The following CHST9 variants were observed in gnomAD, a reference collection of about 807,000 sequenced individuals.
The protein encoded by CHST9 is carbohydrate sulfotransferase 9.
Under a neutral mutation model 44.4 loss-of-function variants are expected in CHST9, and 41 were observed. That is an observed-to-expected ratio of 0.92 (90% CI 0.72 to 1.20). The LOEUF is 1.20. CHST9 is among the 50% of genes most tolerant of loss of function. The probability of loss-of-function intolerance (pLI) is 0.00; values close to 1 mark genes in which losing one functional copy is unlikely to be tolerated. For synonymous variants in CHST9, 171 were observed against 178.4 expected (o/e 0.96, Z 0.33); for missense variants, 504 against 516.5 (o/e 0.98, Z 0.23).
chr18:27,103,583 A>C (rs1352899060), intron 2 of CHST9, among the ~76,000 whole-genome samples: 1 of 152,208 alleles, frequency 6.6e-6, no homozygotes, highest in Non-Finnish European at 1.5e-5. Flanking sequence ...TATGCGATCA[A>C]ATGAGGGGCT....
chr18:27,058,356 TA>T (rs2057682110), intron 2 of CHST9, among the ~76,000 whole-genome samples: 1 of 152,200 alleles, frequency 6.6e-6, no homozygotes, highest in Non-Finnish European at 1.5e-5. Flanking sequence ...AATCTTTTCA[TA>T]ATGTTTATTC....
rs571008458 is a variant in CHST9, at chr18:27,016,142, CTTA to C, written c.202+7971_202+7973del. On this transcript the variant is annotated intron_variant, in intron 4 of 5. Transcript: ENST00000618847. The stretch of plus-strand genomic sequence containing the variant: ...CTCTAAACAAAAGCATTAATTTTGG[CTTA>C]TTATGGCTATATACACCTCATGCTT... Among the ~76,000 whole-genome samples, 30 of 152,294 alleles carry C rather than the reference CTTA, an allele frequency of 2.0e-4. No homozygotes were observed. In the South Asian group the frequency reaches 4.8e-3, roughly 24 times the overall value.
At chr18:27,067,081 G>C (rs928619296) in intron 2 of CHST9, among the ~76,000 whole-genome samples, 1 of 152,032 alleles carries the variant, frequency 6.6e-6, no homozygotes, top group Admixed American at 6.6e-5. Flanking sequence ...TTTCTTGAAA[G>C]TAAAATGGTA....
intron 4 of CHST9, among the ~76,000 whole-genome samples, chr18:26,957,796 T>G (rs2056345861): frequency 6.6e-6 from 1 of 152,192 alleles, no homozygotes; most frequent in Non-Finnish European, 1.5e-5. Flanking sequence ...CTCACACCTG[T>G]GCAAAAGAAA....
chr18:27,023,316 A>T (rs1021952595), intron 4 of CHST9, among the ~76,000 whole-genome samples: 1 of 152,202 alleles, frequency 6.6e-6, no homozygotes, highest in Non-Finnish European at 1.5e-5. Context: ...ATCATCTTCT[A>T]TTACTAAATG....
intron 2 of CHST9, among the ~76,000 whole-genome samples, chr18:27,123,555 A>G (rs1431678941): frequency 6.6e-6 from 1 of 152,250 alleles, no homozygotes; most frequent in Non-Finnish European, 1.5e-5. Context: ...AGCAGAAAAA[A>G]AAGAGAAGTC....
At chr18:27,030,491 G>T (rs570720314) in intron 3 of CHST9, among the ~76,000 whole-genome samples, 41 of 152,286 alleles carry the variant, frequency 2.7e-4, no homozygotes, top group African/African-American at 8.9e-4. Flanking sequence ...TTAATTAAAA[G>T]GAAACACAAG....
chr18:27,037,493 C>T (rs913122620), intron 3 of CHST9, among the ~76,000 whole-genome samples: 1 of 152,138 alleles, frequency 6.6e-6, no homozygotes, highest in Non-Finnish European at 1.5e-5. Flanking sequence ...AGTTCAAGAC[C>T]ATCCTGGGCA....
intron 4 of CHST9, among the ~76,000 whole-genome samples, chr18:27,018,589 C>T (rs1034992322): frequency 6.6e-6 from 1 of 152,050 alleles, no homozygotes; most frequent in African/African-American, 2.4e-5. Flanking sequence ...TTTTTCTTTC[C>T]CCTGCAGGAT....
At chr18:27,141,555 C>T (rs2058565778) in intron 2 of CHST9, among the ~76,000 whole-genome samples, 1 of 139,146 alleles carries the variant, frequency 7.2e-6, no homozygotes, top group Non-Finnish European at 1.5e-5. Context: ...CATGCTATCG[C>T]TCTCCAGCCT....
intron 5 of CHST9, among the ~76,000 whole-genome samples, chr18:26,922,532 T>G (rs544952791): frequency 1.3e-5 from 2 of 152,314 alleles, no homozygotes; most frequent in East Asian, 3.9e-4. Context: ...GACATGTAAC[T>G]ACAGATTTAA....
At chr18:27,021,241 G>A (rs369911088) in intron 4 of CHST9, among the ~76,000 whole-genome samples, 42 of 152,246 alleles carry the variant, frequency 2.8e-4, no homozygotes, top group African/African-American at 9.4e-4. Context: ...GAGCAGTAGC[G>A]TCAGGGCTGG....
intron 4 of CHST9, among the ~76,000 whole-genome samples, chr18:26,970,161 C>G (rs2056523107): frequency 6.6e-6 from 1 of 152,204 alleles, no homozygotes; most frequent in South Asian, 2.1e-4. Flanking sequence ...CTCCCACTTT[C>G]AACCCAGACT....
At chr18:27,182,968 A>G (rs1187116567) in intron 1 of CHST9, among the ~76,000 whole-genome samples, 1 of 152,210 alleles carries the variant, frequency 6.6e-6, no homozygotes, top group East Asian at 1.9e-4. Flanking sequence ...CCTGGAAACC[A>G]TACTAAGTTT....
chr18:27,012,101 C>T (rs147113947), intron 4 of CHST9, among the ~76,000 whole-genome samples: 206 of 152,222 alleles, frequency 1.4e-3, no homozygotes, highest in African/African-American at 4.8e-3. Context: ...TAGTATGCTC[C>T]CAAGTCCATA....
chr18:27,102,949 G>A (rs1481189604), intron 2 of CHST9, among the ~76,000 whole-genome samples: 4 of 152,024 alleles, frequency 2.6e-5, no homozygotes, highest in African/African-American at 4.8e-5. Context: ...CTTGCATAAT[G>A]GGCCATTTGT....
At chr18:27,125,486 G>A (rs938614046) in intron 2 of CHST9, among the ~76,000 whole-genome samples, 8 of 152,086 alleles carry the variant, frequency 5.3e-5, no homozygotes, top group Non-Finnish European at 1.2e-4. Flanking sequence ...CGGGAAGCTG[G>A]GGAGTTTCCT....
At chr18:27,041,711 T>C (rs2057446951) in intron 3 of CHST9, among the ~76,000 whole-genome samples, 1 of 152,150 alleles carries the variant, frequency 6.6e-6, no homozygotes, top group South Asian at 2.1e-4. Flanking sequence ...ACACACTCCT[T>C]TAAATGCAGT....
At chr18:26,930,004 A>G (rs2055847922) in intron 5 of CHST9, among the ~76,000 whole-genome samples, 1 of 152,086 alleles carries the variant, frequency 6.6e-6, no homozygotes, top group Non-Finnish European at 1.5e-5. Flanking sequence ...GCAGGAATGC[A>G]CTCCATTCGT....
Sources: allele counts gnomAD v4.1 joint callset (sites outside exome capture counted in the v4.1 genomes callset), GRCh38; gene constraint gnomAD v4.1.1; transcripts MANE v1.5; gene names NCBI Gene and HGNC (gene_info 2026-07-23, HGNC 2026-07-21).